Variants in TSR3 observed in about 807,000 individuals in gnomAD.
The protein encoded by TSR3 is TSR3 ribosome maturation factor.
A neutral mutation model predicts 28.1 loss-of-function variants in TSR3; 31 were observed. The ratio of observed to expected loss-of-function variants is 1.10; its 90% CI spans 0.83 to 1.49. The LOEUF (loss-of-function observed/expected upper bound fraction) is 1.49, where lower values mean the gene tolerates loss of function less well. Among genes scored for constraint, TSR3 ranks in the 40% most tolerant of loss-of-function variants. The pLI is 0.00. For missense variants in TSR3, 511 were observed against 444.0 expected, an observed-to-expected ratio of 1.15 and a Z score of -1.36; for synonymous variants, 219 against 197.2, an observed-to-expected ratio of 1.11 and a Z score of -0.93.
At position 1,349,389 on chromosome 16, in the gene TSR3, C is replaced by G. The variant is rs1011762273; in HGVS notation, c.*48G>C. 2 of 1,609,558 alleles carry G rather than the reference C, an allele frequency of 1.2e-6. No homozygotes were observed. Among genetic ancestry groups the G allele is most frequent in the African/African-American group, 2.7e-5 (2 of 74,986 alleles). ...AGGCCCATTTATGTCCCTCATGTCT[C>G]TAGATTTTCTCGTCACCCAGCCTCA... is the stretch of plus-strand genomic sequence containing the variant. On this transcript the variant is annotated 3_prime_UTR_variant, in exon 6 of 6. Coordinates refer to ENST00000007390, the MANE Select transcript of TSR3 (RefSeq NM_001001410.3).
rs753976955 is a variant in TSR3, at chr16:1,350,932, A to C, written c.401T>G (p.Phe134Cys). 1 of 1,612,800 alleles carries C rather than the reference A, an allele frequency of 6.2e-7. No individual in the cohort carries two copies. The highest frequency in any genetic ancestry group is 1.3e-5 in the African/African-American group (1 of 75,002). ...CSWARLDETPFGKMRGSHLRL... is the reference protein window; with the variant it reads ...CSWARLDETPCGKMRGSHLRL... ...CAAGTGGCTCCCTCGCATCTTCCCAAACGGTGTCTCGTCCAGCCTGGCCCA... is the reference window on the plus strand; with the variant it reads ...CAAGTGGCTCCCTCGCATCTTCCCACACGGTGTCTCGTCCAGCCTGGCCCA... Residue 134 changes from phenylalanine to cysteine, a missense_variant, in exon 3 of 6, where the codon TTT becomes TGT. Coordinates refer to ENST00000007390, the MANE Select transcript of TSR3 (RefSeq NM_001001410.3).
In TSR3 at chr16:1,350,958, G is replaced by A; in HGVS notation, c.375C>T (p.Ser125=). 1.2e-6 allele frequency: 2 copies of A among 1,612,676 alleles called. No individual in the cohort carries two copies. Among genetic ancestry groups the A allele is most frequent in the Non-Finnish European group, 1.7e-6 (2 of 1,179,940 alleles). ...AQSGVAVIDC[S]WARLDETPFG... ...ACGGTGTCTCGTCCAGCCTGGCCCAGGAGCAGTCGATGACGGCGACCCCAG... is the reference window on the plus strand; with the variant it reads ...ACGGTGTCTCGTCCAGCCTGGCCCAAGAGCAGTCGATGACGGCGACCCCAG... The change falls in exon 3 of 6, where the codon TCC becomes TCT. Residue 125 remains serine (S), a synonymous_variant. Coordinates refer to ENST00000007390, the MANE Select transcript of TSR3 (RefSeq NM_001001410.3).
Position 1,351,724 on chromosome 16 carries a change from G to A in TSR3, c.81C>T (p.Ala27=), listed in dbSNP as rs988271287. Residue 27 remains alanine, a synonymous_variant, in exon 1 of 6, where the codon GCC becomes GCT. Transcript: ENST00000007390. ...PRHLPTRSLE[A]FAEEVGAALQ... is the part of the protein sequence containing the mutation. The stretch of plus-strand genomic sequence containing the variant: ...GCGCGGCGCCGACCTCCTCGGCGAA[G>A]GCCTCCAGGGAGCGCGTCGGGAGGT... 17 of 1,369,776 alleles carry A rather than the reference G, an allele frequency of 1.2e-5. No homozygotes were observed. Among genetic ancestry groups the A allele is most frequent in the Non-Finnish European group, 1.6e-5 (17 of 1,066,078 alleles). 84.9% of individuals were successfully genotyped at this position (1,369,776 alleles called of 1,614,324 possible).
chr16:1,350,861 G>A lies in TSR3; in HGVS notation c.472C>T (p.Arg158Trp), dbSNP rs367676963. The A allele has an allele frequency of 1.3e-5, 21 of 1,612,950 alleles. No individual in the cohort carries two copies. The highest frequency in any genetic ancestry group is 1.6e-4 in the Middle Eastern group (1 of 6,084). Residue 158 changes from arginine (R) to tryptophan (W), a missense_variant, in exon 3 of 6, where the codon CGG becomes TGG. By Grantham distance (101) the Arg-to-Trp change is moderately radical (BLOSUM62 -3). Coordinates refer to ENST00000007390, the MANE Select transcript of TSR3 (RefSeq NM_001001410.3). The stretch of plus-strand genomic sequence containing the variant: ...TCCACGCAGGAAAGTCTGTAGGGCC[G>A]GCCATAGTTCACGGGGTTGGCGGCC... ...LVAANPVNYG[R>W]PYRLSCVEAF...
intron 3 of TSR3, among the ~76,000 whole-genome samples, chr16:1,350,483 C>G (rs2034641288): frequency 6.6e-6 from 1 of 152,174 alleles, no homozygotes. Flanking sequence ...CTGCCCCACG[C>G]CTCATCAGGG....
chr16:1,350,684 GA>G, intron 3 of TSR3, 122 bp downstream of exon 3: 1 of 1,187,350 alleles, frequency 8.4e-7, no homozygotes, highest in Non-Finnish European at 1.2e-6. Flanking sequence ...TGGTCTGTCT[GA>G]ACTGTTCCCC....
Position 1,349,510 on chromosome 16 carries a change from G to A in TSR3, c.866C>T (p.Thr289Met), listed in dbSNP as rs780044626. 20 of 1,613,430 alleles carry A rather than the reference G, an allele frequency of 1.2e-5. No homozygotes were observed. Among genetic ancestry groups the A allele is most frequent in the Admixed American group, 5.0e-5 (3 of 60,004 alleles). Residue 289 changes from threonine to methionine, a missense_variant, in exon 6 of 6, where the codon ACG (threonine) becomes ATG (methionine). Coordinates refer to ENST00000007390, the MANE Select transcript of TSR3 (RefSeq NM_001001410.3). ...CCTGGCCTCAGCCCCCCGTCCCTGC[G>A]TCTGCTCCTCTTCACAGCAGCTGCT... The part of the protein sequence containing the change: ...ASSSCCEEEQ[T>M]QGRGAEARAP...
At chr16:1,351,301 C>G in intron 2 of TSR3, 78 bp downstream of exon 2, 1 of 1,434,168 alleles carries the variant, frequency 7.0e-7, no homozygotes, top group African/African-American at 1.4e-5. Context: ...GTGCGACATA[C>G]AAGTGCCACT....
At chr16:1,351,303 A>G (rs1367392065) in intron 2 of TSR3, 76 bp downstream of exon 2, 1 of 1,435,038 alleles carries the variant, frequency 7.0e-7, no homozygotes, top group Non-Finnish European at 9.3e-7. Context: ...GCGACATACA[A>G]GTGCCACTAA....
At position 1,349,392 on chromosome 16, in the gene TSR3, G is replaced by T; in HGVS notation, c.*45C>A. ...CCCATTTATGTCCCTCATGTCTCTAGATTTTCTCGTCACCCAGCCTCAAAA... is the reference window on the plus strand; with the variant it reads ...CCCATTTATGTCCCTCATGTCTCTATATTTTCTCGTCACCCAGCCTCAAAA... On this transcript the variant is annotated 3_prime_UTR_variant, in exon 6 of 6. Transcript: ENST00000007390. The T allele has an allele frequency of 4.4e-6, 7 of 1,608,182 alleles. No homozygotes were observed. Among genetic ancestry groups the T allele is most frequent in the Non-Finnish European group, 6.0e-6 (7 of 1,175,192 alleles).
In TSR3 at chr16:1,351,737, C is replaced by A; in HGVS notation, c.68G>T (p.Arg23Leu). ...EGGRPRHLPTRSLEAFAEEVG... is the reference protein window; with the variant it reads ...EGGRPRHLPTLSLEAFAEEVG... The stretch of plus-strand genomic sequence containing the variant: ...CTCCTCGGCGAAGGCCTCCAGGGAG[C>A]GCGTCGGGAGGTGCCGAGGGCGGCC... Residue 23 changes from arginine to leucine, a missense_variant, in exon 1 of 6, where the codon CGC becomes CTC. Physicochemically the swap from Arg to Leu is moderately radical, Grantham distance 102 (BLOSUM62 -2). Coordinates refer to ENST00000007390, the MANE Select transcript of TSR3 (RefSeq NM_001001410.3). The A allele has an allele frequency of 7.3e-7, 1 of 1,368,446 alleles. No homozygotes were observed. Among genetic ancestry groups the A allele is most frequent in the South Asian group, 1.7e-5 (1 of 59,420 alleles). The allele number at this position is 1,368,446 out of a possible 1,614,324, so 84.8% of individuals were successfully genotyped here.
chr16:1,349,371 T>G lies in TSR3; in HGVS notation c.*66A>C. On this transcript the variant is annotated 3_prime_UTR_variant, in exon 6 of 6. Coordinates refer to ENST00000007390, the MANE Select transcript of TSR3 (RefSeq NM_001001410.3). The stretch of plus-strand genomic sequence containing the variant: ...CAAAGAGCCGAGGCTGCCAGGCCCA[T>G]TTATGTCCCTCATGTCTCTAGATTT... 41 of 1,563,750 alleles carry G rather than the reference T, an allele frequency of 2.6e-5. No individual in the cohort carries two copies. The highest frequency in any genetic ancestry group is 3.2e-5 in the Non-Finnish European group (36 of 1,135,940).
chr16:1,351,732 G>C lies in TSR3; in HGVS notation c.73C>G (p.Leu25Val). ...CCGACCTCCTCGGCGAAGGCCTCCAGGGAGCGCGTCGGGAGGTGCCGAGGG... is the reference window on the plus strand; with the variant it reads ...CCGACCTCCTCGGCGAAGGCCTCCACGGAGCGCGTCGGGAGGTGCCGAGGG... Reference protein sequence around the residue: ...GRPRHLPTRSLEAFAEEVGAA... With the variant: ...GRPRHLPTRSVEAFAEEVGAA... Residue 25 changes from leucine (L) to valine (V), a missense_variant, in exon 1 of 6, where the codon CTG (leucine) becomes GTG (valine). Coordinates refer to ENST00000007390, the MANE Select transcript of TSR3 (RefSeq NM_001001410.3). The C allele has an allele frequency of 2.9e-6, 4 of 1,371,750 alleles. No homozygotes were observed. Among genetic ancestry groups the C allele is most frequent in the Non-Finnish European group, 3.7e-6 (4 of 1,067,322 alleles). The allele number at this position is 1,371,750 out of a possible 1,614,324, so 85.0% of individuals were successfully genotyped here. A position where few individuals can be genotyped will look rare whatever the true frequency, so the allele number is the denominator to read the frequency against.
rs768164695 is a variant in TSR3, at chr16:1,350,973, G to A, written c.360C>T (p.Ala120=). 3.8e-5 allele frequency: 61 copies of A among 1,612,034 alleles called. No homozygotes were observed. In the Middle Eastern group the frequency reaches 7.0e-4, roughly 18 times the overall value. The stretch of plus-strand genomic sequence containing the variant: ...GCCTGGCCCAGGAGCAGTCGATGAC[G>A]GCGACCCCAGACTGCGCCACCAGCT... The part of the protein sequence containing the change: ...DRQLVAQSGV[A]VIDCSWARLD... The change falls in exon 3 of 6, where the codon GCC becomes GCT. Residue 120 remains alanine, a synonymous_variant. Transcript: ENST00000007390.
chr16:1,351,393 C>T lies in TSR3; in HGVS notation c.318G>A (p.Ala106=), dbSNP rs762880765. The T allele has an allele frequency of 1.9e-6, 3 of 1,591,842 alleles. No homozygotes were observed. Among genetic ancestry groups the T allele is most frequent in the Non-Finnish European group, 2.5e-6 (3 of 1,177,156 alleles). ...LVLSPVGKQY[A]SPADRQLVAQ... is the part of the protein sequence containing the mutation. ...CCCGCGCCTACCTGTCTGCGGGGGA[C>T]GCGTACTGCTTGCCCACGGGGCTCA... Residue 106 remains alanine, a synonymous_variant, in exon 2 of 6, where the codon GCG becomes GCA. Transcript: ENST00000007390.
chr16:1,350,495 C>T (rs1251791198), intron 3 of TSR3, among the ~76,000 whole-genome samples: 2 of 152,098 alleles, frequency 1.3e-5, no homozygotes, highest in East Asian at 1.9e-4. Flanking sequence ...TCATCAGGGC[C>T]TCTTTAGATC....
rs2034592478 is a variant in TSR3 at position 1,349,312 on chromosome 16, GA to G, written c.*124del. ...AGCACAGCTGTGCTGGAAGTGTGGG[GA>G]GAACCCGGACAGCTCAGTCCTGCCA... is the stretch of plus-strand genomic sequence containing the variant. On this transcript the variant is annotated 3_prime_UTR_variant, in exon 6 of 6. Coordinates refer to ENST00000007390, the MANE Select transcript of TSR3 (RefSeq NM_001001410.3). 9.4e-7 allele frequency: 1 copy of G among 1,066,716 alleles called. No individual in the cohort carries two copies. 66.1% of individuals were successfully genotyped at this position (1,066,716 alleles called of 1,614,324 possible). A position where few individuals can be genotyped will look rare whatever the true frequency, so the allele number is the denominator to read the frequency against.
In TSR3 at chr16:1,350,125, C is replaced by T. The variant is rs779507996; in HGVS notation, c.636G>A (p.Glu212=). Residue 212 remains glutamate (E), a synonymous_variant, in exon 4 of 6, where the codon GAG becomes GAA. Transcript: ENST00000007390. ...ACTCCTGCTCCGCCTGCAGCACCTC[C>T]TCCGGGCTGCCGCAGGCCGCGTACT... is the stretch of plus-strand genomic sequence containing the variant. ...LDKYAACGSP[E]EVLQAEQEFL... 9 of 1,612,272 alleles carry T rather than the reference C, an allele frequency of 5.6e-6. No homozygotes were observed. The highest frequency in any genetic ancestry group is 5.5e-5 in the South Asian group (5 of 91,062).
intron 5 of TSR3, 127 bp from the exon 6 acceptor site, chr16:1,349,735 C>A: frequency 7.2e-7 from 1 of 1,385,146 alleles, no homozygotes; most frequent in Non-Finnish European, 9.9e-7. Context: ...CACACCCAAA[C>A]CTCTCCAGTG....
Sources: allele counts gnomAD v4.1 joint callset (sites outside exome capture counted in the v4.1 genomes callset), GRCh38; gene constraint gnomAD v4.1.1; transcripts MANE v1.5; gene names NCBI Gene and HGNC (gene_info 2026-07-23, HGNC 2026-07-21).